Variants in SLC24A3 observed in about 807,000 individuals in gnomAD.
The protein encoded by SLC24A3 is sodium/potassium/calcium exchanger 3.
A neutral mutation model predicts 75.8 loss-of-function variants in SLC24A3; 28 were observed. The ratio of observed to expected loss-of-function variants is 0.37; its 90% CI spans 0.27 to 0.51. The LOEUF (loss-of-function observed/expected upper bound fraction) is 0.51, where lower values mean the gene tolerates loss of function less well. SLC24A3 is among the 20% of genes least tolerant of loss of function. The probability of loss-of-function intolerance (pLI) is 0.94; values close to 1 mark genes in which losing one functional copy is unlikely to be tolerated. For synonymous variants in SLC24A3, 372 were observed against 334.1 expected (o/e 1.11, Z -1.24); for missense variants, 663 against 847.8 (o/e 0.78, Z 2.71).
chr20:19,672,797 T>C (rs2032483334), intron 8 of SLC24A3, among the ~76,000 whole-genome samples: 1 of 152,214 alleles, frequency 6.6e-6, no homozygotes, highest in African/African-American at 2.4e-5. Flanking sequence ...TGACCAAATA[T>C]TTCTCTAGGA....
At chr20:19,327,074 G>C (rs79818187) in intron 2 of SLC24A3, among the ~76,000 whole-genome samples, 1 of 151,956 alleles carries the variant, frequency 6.6e-6, no homozygotes, top group Non-Finnish European at 1.5e-5. Context: ...TTAAAAAAAC[G>C]TACTAATATT....
At chr20:19,622,161 T>C (rs1429755192) in intron 6 of SLC24A3, among the ~76,000 whole-genome samples, 2 of 152,084 alleles carry the variant, frequency 1.3e-5, no homozygotes, top group Non-Finnish European at 2.9e-5. Flanking sequence ...CTTCAGGAAC[T>C]TGAAAGGAGA....
At chr20:19,720,631 G>A (rs567507660) in intron 16 of SLC24A3, among the ~76,000 whole-genome samples, 1 of 152,152 alleles carries the variant, frequency 6.6e-6, no homozygotes, top group African/African-American at 2.4e-5. Flanking sequence ...CCCCAGGGGA[G>A]TGGGGGCCTG....
At chr20:19,415,586 G>T (rs980415840) in intron 2 of SLC24A3, among the ~76,000 whole-genome samples, 1 of 151,840 alleles carries the variant, frequency 6.6e-6, no homozygotes, top group Admixed American at 6.6e-5. Flanking sequence ...GGGCTCACCA[G>T]AATGTATACC....
At chr20:19,655,055 C>T (rs1306670863) in intron 7 of SLC24A3, among the ~76,000 whole-genome samples, 2 of 152,176 alleles carry the variant, frequency 1.3e-5, no homozygotes, top group South Asian at 4.1e-4. Flanking sequence ...ACCTTTCCCT[C>T]AACTCCCAGC....
Position 19,721,264 on chromosome 20 carries a change from T to C in SLC24A3, c.*124T>C. On this transcript the variant is annotated 3_prime_UTR_variant, in exon 17 of 17. Coordinates refer to ENST00000328041, the MANE Select transcript of SLC24A3 (RefSeq NM_020689.4). ...GTCTCTCCTGTGCTGTCCTCAGGCC[T>C]CCGCTCCTGTTTTGGTGGCCCAGGC... The C allele has an allele frequency of 3.2e-6, 4 of 1,269,538 alleles. No homozygotes were observed. Among genetic ancestry groups the C allele is most frequent in the Non-Finnish European group, 4.3e-6 (4 of 923,084 alleles). The allele number at this position is 1,269,538 out of a possible 1,614,324, so 78.6% of individuals were successfully genotyped here.
At chr20:19,570,939 A>T (rs768172381) in intron 3 of SLC24A3, among the ~76,000 whole-genome samples, 1 of 152,168 alleles carries the variant, frequency 6.6e-6, no homozygotes, top group Non-Finnish European at 1.5e-5. Flanking sequence ...TAAGAGCCTC[A>T]GTCTTAAGAG....
At chr20:19,463,845 G>C (rs546999393) in intron 2 of SLC24A3, among the ~76,000 whole-genome samples, 1 of 152,310 alleles carries the variant, frequency 6.6e-6, no homozygotes, top group South Asian at 2.1e-4. Flanking sequence ...TTCAGCGCAG[G>C]TTGCACTCTC....
intron 2 of SLC24A3, among the ~76,000 whole-genome samples, chr20:19,351,825 C>T (rs1461195822): frequency 6.6e-6 from 1 of 152,174 alleles, no homozygotes; most frequent in African/African-American, 2.4e-5. Context: ...AAAATGCCTT[C>T]ATCTGGGATG....
At chr20:19,412,733 A>G (rs1213701523) in intron 2 of SLC24A3, among the ~76,000 whole-genome samples, 7 of 152,126 alleles carry the variant, frequency 4.6e-5, no homozygotes, top group African/African-American at 1.7e-4. Flanking sequence ...TGTCACTTTG[A>G]CTTGATATCT....
chr20:19,441,260 C>G (rs1987293843), intron 2 of SLC24A3, among the ~76,000 whole-genome samples: 1 of 152,132 alleles, frequency 6.6e-6, no homozygotes, highest in African/African-American at 2.4e-5. Flanking sequence ...CTTCTTGGAC[C>G]CCGGCATCCC....
chr20:19,568,323 T>C (rs1182140648), intron 3 of SLC24A3, among the ~76,000 whole-genome samples: 1 of 152,144 alleles, frequency 6.6e-6, no homozygotes, highest in African/African-American at 2.4e-5. Context: ...ACTCAAAGAA[T>C]ATTGCATCAT....
chr20:19,397,647 C>CTTTTTTTTTTTTTTTTTT (rs3057518), intron 2 of SLC24A3, among the ~76,000 whole-genome samples: 9 of 117,102 alleles, frequency 7.7e-5, no homozygotes, highest in Non-Finnish European at 1.3e-4. Context: ...TTTTTCTTTT[C>CTTTTTTTTTTTTTTTTTT]TTTTTTTTTT....
At chr20:19,480,422 C>T (rs1988034770) in intron 2 of SLC24A3, among the ~76,000 whole-genome samples, 1 of 152,230 alleles carries the variant, frequency 6.6e-6, no homozygotes. Flanking sequence ...CTGAGCCATC[C>T]TGCCTTTGGG....
At chr20:19,713,528 A>G (rs1447941413) in intron 15 of SLC24A3, among the ~76,000 whole-genome samples, 1 of 152,172 alleles carries the variant, frequency 6.6e-6, no homozygotes, top group Non-Finnish European at 1.5e-5. Flanking sequence ...GACTTCATGG[A>G]CATGCCTTAT....
intron 3 of SLC24A3, among the ~76,000 whole-genome samples, chr20:19,541,164 C>T (rs957597307): frequency 2.6e-5 from 4 of 152,160 alleles, no homozygotes; most frequent in African/African-American, 7.2e-5. Flanking sequence ...CAAGATGTAC[C>T]TTTCAGGATA....
intron 6 of SLC24A3, among the ~76,000 whole-genome samples, chr20:19,598,580 G>A (rs1024281249): frequency 4.6e-5 from 7 of 152,024 alleles, no homozygotes; most frequent in South Asian, 2.1e-4. Flanking sequence ...TGGCCTCAGT[G>A]TGCTTTATTT....
intron 3 of SLC24A3, among the ~76,000 whole-genome samples, chr20:19,518,277 G>T (rs2122561189): frequency 6.6e-6 from 1 of 152,284 alleles, no homozygotes; most frequent in African/African-American, 2.4e-5. Flanking sequence ...AGCACTTTTT[G>T]AGCCCCTGCA....
At chr20:19,463,143 C>T (rs539951871) in intron 2 of SLC24A3, among the ~76,000 whole-genome samples, 14 of 152,310 alleles carry the variant, frequency 9.2e-5, no homozygotes, top group Admixed American at 8.5e-4. Flanking sequence ...CTTTCAATAA[C>T]GGTGTGACAT....
Sources: gnomAD v4.1 joint callset for allele counts (sites outside exome capture counted in the v4.1 genomes callset) on GRCh38, gnomAD v4.1.1 for gene constraint, MANE v1.5 for transcripts, NCBI Gene and HGNC (gene_info 2026-07-23, HGNC 2026-07-21) for gene names.